Variants in CELF2 observed in about 807,000 individuals in gnomAD.
The protein encoded by CELF2 is CUG triplet repeat RNA-binding protein 2.
CELF2 carries 8 observed loss-of-function variants against 62.6 expected under a neutral mutation model. That is an observed-to-expected ratio of 0.13 (90% confidence interval 0.07 to 0.23). CELF2 has a LOEUF of 0.23. Ranked by LOEUF, CELF2 falls within the 10% of genes least tolerant of loss-of-function variation. The probability of loss-of-function intolerance (pLI) is 1.00; values close to 1 mark genes in which losing one functional copy is unlikely to be tolerated. For synonymous variants in CELF2, 258 were observed against 250.0 expected, an observed-to-expected ratio of 1.03 and a Z score of -0.30; for missense variants, 333 against 671.0, an observed-to-expected ratio of 0.50 and a Z score of 5.56.
At chr10:10,697,461 AG>A in the CELF2 span, among the ~76,000 whole-genome samples, 1 of 152,168 alleles carries the variant, frequency 6.6e-6, no homozygotes, top group African/African-American at 2.4e-5. Flanking sequence ...GGCATCAGTG[AG>A]GTTGATATCT....
chr10:10,508,704 G>GTGTGTGTGTGTA, the CELF2 span, among the ~76,000 whole-genome samples: 3 of 60,914 alleles, frequency 4.9e-5, no homozygotes, highest in African/African-American at 1.6e-4. Flanking sequence ...GTGTGTGTGT[G>GTGTGTGTGTGTA]TATATTTTTT....
intron 1 of CELF2, among the ~76,000 whole-genome samples, chr10:11,146,247 A>G (rs772251575): frequency 2.0e-5 from 3 of 152,252 alleles, no homozygotes; most frequent in Non-Finnish European, 4.4e-5. Flanking sequence ...TATTCAAATA[A>G]TGACACCTTA....
chr10:10,569,290 A>G, the CELF2 span, among the ~76,000 whole-genome samples: 1 of 152,188 alleles, frequency 6.6e-6, no homozygotes, highest in African/African-American at 2.4e-5. Flanking sequence ...CAAGGGAAGG[A>G]CAAAGGCATG....
intron 1 of CELF2, among the ~76,000 whole-genome samples, chr10:10,880,015 A>T (rs1443782556): frequency 1.3e-5 from 2 of 152,248 alleles, no homozygotes; most frequent in African/African-American, 4.8e-5. Flanking sequence ...GCAAATATTT[A>T]TTCAGCCTTC....
intron 3 of CELF2, among the ~76,000 whole-genome samples, chr10:11,221,690 A>G (rs964828489): frequency 2.4e-4 from 37 of 152,376 alleles, no homozygotes; most frequent in African/African-American, 8.2e-4. Context: ...AACAGCAAGG[A>G]GGAAGCTGCG....
intron 1 of CELF2, among the ~76,000 whole-genome samples, chr10:10,911,361 C>A (rs1564807539): frequency 6.6e-6 from 1 of 152,154 alleles, no homozygotes; most frequent in Non-Finnish European, 1.5e-5. Context: ...TAAAATAATA[C>A]AAGTAAATTG....
At chr10:11,298,990 A>T (rs981410779) in intron 9 of CELF2, among the ~76,000 whole-genome samples, 4 of 152,210 alleles carry the variant, frequency 2.6e-5, no homozygotes, top group African/African-American at 9.6e-5. Context: ...TTCCTTTAAA[A>T]ATTAGGATGT....
At position 11,211,570 on chromosome 10, in the gene CELF2, A is replaced by AT. The variant is rs928507513; in HGVS notation, c.272-5846dup. Among the ~76,000 whole-genome samples the AT allele has an allele frequency of 6.6e-5, 10 of 151,590 alleles. No individual in the cohort carries two copies. Among genetic ancestry groups the AT allele is most frequent in the African/African-American group, 1.5e-4 (6 of 41,320 alleles). The stretch of plus-strand genomic sequence containing the variant: ...ACTGGTTATCTTTATATATCAGTAC[A>AT]TTTTTTTTTCCTGTGAGTATTATTA... On this transcript the variant is annotated intron_variant, in intron 2 of 12. Transcript: ENST00000633077. This position sits in a 1 kb window ranked among gnomAD's most constrained non-coding sequence, Gnocchi z 4.8.
At chr10:11,150,673 A>C (rs1226999740) in intron 1 of CELF2, among the ~76,000 whole-genome samples, 20 of 152,254 alleles carry the variant, frequency 1.3e-4, no homozygotes, top group Non-Finnish European at 2.8e-4. Context: ...ACACCTGGGC[A>C]GCCATTTGTT....
At chr10:10,567,522 G>T in the CELF2 span, among the ~76,000 whole-genome samples, 1 of 152,158 alleles carries the variant, frequency 6.6e-6, no homozygotes, top group Non-Finnish European at 1.5e-5. Flanking sequence ...AAGCTTTTAT[G>T]CATCAACAGA....
the CELF2 span, among the ~76,000 whole-genome samples, chr10:10,506,193 T>C: frequency 1.3e-5 from 2 of 152,162 alleles, no homozygotes; most frequent in Admixed American, 1.3e-4. Flanking sequence ...GTAAAAAAGA[T>C]CATTGGAGCT....
intron 2 of CELF2, among the ~76,000 whole-genome samples, chr10:11,185,563 C>T (rs540596791): frequency 1.9e-4 from 29 of 152,202 alleles, no homozygotes; most frequent in South Asian, 6.2e-4. Flanking sequence ...TACAGCCACG[C>T]GCCAACATGC....
chr10:10,725,456 T>G, the CELF2 span, among the ~76,000 whole-genome samples: 3 of 152,312 alleles, frequency 2.0e-5, no homozygotes, highest in African/African-American at 4.8e-5. Flanking sequence ...TATTGCCTGA[T>G]GTAATGTATA....
In CELF2 at chr10:11,290,932, ATTAT is replaced by A. The variant is rs1229868612; in HGVS notation, c.976+2383_976+2386del. On this transcript the variant is annotated intron_variant, in intron 9 of 12. Coordinates refer to ENST00000633077, the MANE Select transcript of CELF2 (RefSeq NM_001326342.2). The surrounding 1 kb of genome is among the most constrained non-coding windows in gnomAD (Gnocchi z 4.3). The stretch of plus-strand genomic sequence containing the variant: ...AAATCTGATGTTTAAGTGAAAGTAA[ATTAT>A]TTGTCTAATTTCCATCAGGGACTTT... Among the ~76,000 whole-genome samples, 6 of 152,202 alleles carry A rather than the reference ATTAT, an allele frequency of 3.9e-5. No homozygotes were observed. The highest frequency in any genetic ancestry group is 8.8e-5 in the Non-Finnish European group (6 of 68,030).
At chr10:10,862,788 A>G (rs943836388) in intron 1 of CELF2, among the ~76,000 whole-genome samples, 3 of 152,242 alleles carry the variant, frequency 2.0e-5, no homozygotes, top group African/African-American at 7.2e-5. Context: ...CATGAAGACT[A>G]TGGAATATCA....
At chr10:10,971,094 T>C (rs2050705481) in intron 2 of CELF2, among the ~76,000 whole-genome samples, 2 of 152,176 alleles carry the variant, frequency 1.3e-5, no homozygotes, top group Admixed American at 6.5e-5. Flanking sequence ...CTCCTTCTCC[T>C]TGGGCTCCCA....
At chr10:10,602,340 C>A in the CELF2 span, among the ~76,000 whole-genome samples, 5 of 152,148 alleles carry the variant, frequency 3.3e-5, no homozygotes, top group South Asian at 1.0e-3. Flanking sequence ...AATCTTTGAA[C>A]CCTGGTTACA....
intron 2 of CELF2, among the ~76,000 whole-genome samples, chr10:11,196,975 AAGAG>A (rs1258663453): frequency 1.1e-5 from 1 of 94,586 alleles, no homozygotes. Context: ...AAAAGAAAGA[AAGAG>A]AGAAAGAAAG....
At chr10:10,563,098 A>G in the CELF2 span, among the ~76,000 whole-genome samples, 3 of 152,128 alleles carry the variant, frequency 2.0e-5, no homozygotes, top group Admixed American at 6.5e-5. Context: ...CGTGAATGCC[A>G]TAGGATCTCT....
Sources: allele counts gnomAD v4.1 joint callset (sites outside exome capture counted in the v4.1 genomes callset), GRCh38; gene constraint gnomAD v4.1.1; non-coding constraint Gnocchi (gnomAD v3.1); transcripts MANE v1.5; gene names NCBI Gene and HGNC (gene_info 2026-07-23, HGNC 2026-07-21).